The following OSBPL3 variants were observed in gnomAD, a reference collection of about 807,000 sequenced individuals.
The protein encoded by OSBPL3 is oxysterol binding protein like 3.
In OSBPL3, 65 loss-of-function variants were observed where a neutral mutation model predicts 120.1. The ratio of observed to expected loss-of-function variants is 0.54; its 90% CI spans 0.44 to 0.67. The LOEUF (loss-of-function observed/expected upper bound fraction) is 0.67, where lower values mean the gene tolerates loss of function less well. OSBPL3 is among the 30% of genes least tolerant of loss of function. The pLI, the probability that OSBPL3 is intolerant of heterozygous loss-of-function variation, is 0.00. For missense variants in OSBPL3, 1,004 were observed against 1,082.1 expected (o/e 0.93, Z 1.01); for synonymous variants, 416 against 402.6 (o/e 1.03, Z -0.40).
intron 2 of OSBPL3, among the ~76,000 whole-genome samples, chr7:24,880,850 T>C (rs1337325787): frequency 1.3e-5 from 2 of 152,144 alleles, no homozygotes; most frequent in African/African-American, 4.8e-5. Flanking sequence ...AGGTGAGATA[T>C]TTTTCCTTTT....
At chr7:24,825,345 T>C (rs914783744) in intron 16 of OSBPL3, among the ~76,000 whole-genome samples, 3 of 152,206 alleles carry the variant, frequency 2.0e-5, no homozygotes, top group Admixed American at 6.5e-5. Context: ...ATGTGAATGA[T>C]GAGAGAAAGA....
At chr7:24,974,266 C>G (rs182559012) in intron 1 of OSBPL3, among the ~76,000 whole-genome samples, 12 of 152,268 alleles carry the variant, frequency 7.9e-5, no homozygotes, top group Admixed American at 7.2e-4. Context: ...CCCTCCTCAC[C>G]CCCAGATTAT....
intron 10 of OSBPL3, among the ~76,000 whole-genome samples, chr7:24,853,579 C>T (rs926126378): frequency 2.0e-5 from 3 of 152,170 alleles, no homozygotes; most frequent in Admixed American, 1.3e-4. Flanking sequence ...TAACTGACAG[C>T]ATTTGAATAT....
Position 24,918,881 on chromosome 7 carries a change from T to C in OSBPL3, c.-149-26260A>G, listed in dbSNP as rs528408133. ...AGCTTCTGCATCCATGAGAAGGGGA[T>C]AGAAAAGGCAACAGACATAAATTTT... is the stretch of plus-strand genomic sequence containing the variant. On this transcript the variant is annotated intron_variant, in intron 1 of 22. Coordinates refer to ENST00000313367, the MANE Select transcript of OSBPL3 (RefSeq NM_015550.4). This position sits in a 1 kb window ranked among gnomAD's most constrained non-coding sequence, Gnocchi z 4.3. Among the ~76,000 whole-genome samples, 10 of 152,334 alleles carry C rather than the reference T, an allele frequency of 6.6e-5. No individual in the cohort carries two copies. Among genetic ancestry groups the C allele is most frequent in the East Asian group, 5.8e-4 (3 of 5,184 alleles).
chr7:24,886,287 A>C (rs1460719138), intron 2 of OSBPL3, among the ~76,000 whole-genome samples: 1 of 152,222 alleles, frequency 6.6e-6, no homozygotes, highest in Non-Finnish European at 1.5e-5. Flanking sequence ...AAAAAGCAAA[A>C]CCGGTGAGAA....
intron 1 of OSBPL3, among the ~76,000 whole-genome samples, chr7:24,969,388 T>G (rs1470736955): frequency 2.6e-5 from 4 of 152,220 alleles, no homozygotes; most frequent in African/African-American, 9.7e-5. Context: ...TAGGTCTTTG[T>G]GATATGCATT....
rs1802237884 is a variant in OSBPL3 at position 24,872,284 on chromosome 7, T to TC, written c.97-216dup. Among the ~76,000 whole-genome samples the TC allele has an allele frequency of 6.6e-6, 1 of 151,942 alleles. No individual in the cohort carries two copies. Among genetic ancestry groups the TC allele is most frequent in the East Asian group, 1.9e-4 (1 of 5,200 alleles). ...CATCAAATTTTGGTTTTTTTAAAGC[T>TC]CTTTTTTTTTTAGAAGGGAATGTTT... is the stretch of plus-strand genomic sequence containing the variant. On this transcript the variant is annotated intron_variant, in intron 2 of 22. Coordinates refer to ENST00000313367, the MANE Select transcript of OSBPL3 (RefSeq NM_015550.4). The surrounding 1 kb of genome is among the most constrained non-coding windows in gnomAD (Gnocchi z 4.1).
At position 24,894,322 on chromosome 7, in the gene OSBPL3, T is replaced by C. The variant is rs1014874543; in HGVS notation, c.-149-1701A>G. On this transcript the variant is annotated intron_variant, in intron 1 of 22. Coordinates refer to ENST00000313367, the MANE Select transcript of OSBPL3 (RefSeq NM_015550.4). This position sits in a 1 kb window ranked among gnomAD's most constrained non-coding sequence, Gnocchi z 4.1. The stretch of plus-strand genomic sequence containing the variant: ...TTTATTCATTTAGTATTGGATCCAA[T>C]AATAAGTAAGACTAAAAGCAAACCA... 1.3e-5 allele frequency among the ~76,000 whole-genome samples: 2 copies of C among 152,134 alleles called. No individual in the cohort carries two copies. Among genetic ancestry groups the C allele is most frequent in the African/African-American group, 4.8e-5 (2 of 41,424 alleles).
In OSBPL3 at chr7:24,813,931, T is replaced by C. The variant is rs1432797803; in HGVS notation, c.2172+1128A>G. Reference sequence around the variant, plus strand: ...TTTCCATTTATTCTCTGAATGTTTATGAGTCTCTCATGTGTGCCAGACACC... The same window carrying C: ...TTTCCATTTATTCTCTGAATGTTTACGAGTCTCTCATGTGTGCCAGACACC... On this transcript the variant is annotated intron_variant, in intron 19 of 22. Transcript: ENST00000313367. This position sits in a 1 kb window ranked among gnomAD's most constrained non-coding sequence, Gnocchi z 4.5. Among the ~76,000 whole-genome samples the C allele has an allele frequency of 1.3e-5, 2 of 152,240 alleles. No homozygotes were observed. Among genetic ancestry groups the C allele is most frequent in the African/African-American group, 4.8e-5 (2 of 41,464 alleles).
rs1006203610 is a variant in OSBPL3, at chr7:24,891,215, T to A, written c.96+1162A>T. Among the ~76,000 whole-genome samples, 6 of 150,518 alleles carry A rather than the reference T, an allele frequency of 4.0e-5. No individual in the cohort carries two copies. Among genetic ancestry groups the A allele is most frequent in the South Asian group, 2.1e-4 (1 of 4,802 alleles). On this transcript the variant is annotated intron_variant, in intron 2 of 22. Transcript: ENST00000313367. The surrounding 1 kb of genome is among the most constrained non-coding windows in gnomAD (Gnocchi z 4.1). ...TGACTAATTTTAGTCTTTTCTTATT[T>A]TTTTTTTTTTTAATTCCAGAAGGAA...
At chr7:24,906,301 G>C (rs1807901778) in intron 1 of OSBPL3, 1 of 247,446 alleles carries the variant, frequency 4.0e-6, no homozygotes. Flanking sequence ...ATCATGGGAT[G>C]GCCACTTATA....
chr7:24,897,515 C>T (rs1243355771), intron 1 of OSBPL3, among the ~76,000 whole-genome samples: 1 of 151,544 alleles, frequency 6.6e-6, no homozygotes, highest in Admixed American at 6.6e-5. Flanking sequence ...TTAGTAGAGA[C>T]GGGGTTTCAC....
At chr7:24,979,310 G>A (rs1400902131) in intron 1 of OSBPL3, among the ~76,000 whole-genome samples, 3 of 151,676 alleles carry the variant, frequency 2.0e-5, no homozygotes, top group East Asian at 1.9e-4. Context: ...AATTCCAGAA[G>A]GGGCCAGAAA....
intron 1 of OSBPL3, among the ~76,000 whole-genome samples, chr7:24,924,471 C>G (rs1459942343): frequency 1.3e-5 from 2 of 152,188 alleles, no homozygotes; most frequent in Non-Finnish European, 1.5e-5. Context: ...TGTGACTTTC[C>G]TATTGCTATG....
At chr7:24,838,622 C>A (rs1210723232) in intron 14 of OSBPL3, among the ~76,000 whole-genome samples, 1 of 152,206 alleles carries the variant, frequency 6.6e-6, no homozygotes, top group Non-Finnish European at 1.5e-5. Flanking sequence ...GACTTAGGTT[C>A]TGAACCATGT....
intron 2 of OSBPL3, among the ~76,000 whole-genome samples, chr7:24,888,060 T>C (rs936371780): frequency 1.3e-5 from 2 of 152,176 alleles, no homozygotes; most frequent in Non-Finnish European, 2.9e-5. Context: ...TTTAAAAGTA[T>C]ATATTCACAT....
rs909130254 is a variant in OSBPL3, at chr7:24,854,474, A to G, written c.1028-1840T>C. ...TGATGGACCTGAAACATCTTAACAA[A>G]GTCACAACAATTTGTACACACACAC... On this transcript the variant is annotated intron_variant, in intron 10 of 22. Transcript: ENST00000313367. The surrounding 1 kb of genome is among the most constrained non-coding windows in gnomAD (Gnocchi z 4.1). Among the ~76,000 whole-genome samples, 1 of 150,430 alleles carries G rather than the reference A, an allele frequency of 6.6e-6. No homozygotes were observed. The highest frequency in any genetic ancestry group is 2.5e-5 in the African/African-American group (1 of 40,618).
At position 24,892,457 on chromosome 7, in the gene OSBPL3, T is replaced by C. The variant is rs763542919; in HGVS notation, c.16A>G (p.Lys6Glu). Residue 6 changes from lysine (K) to glutamate (E), a missense_variant, in exon 2 of 23, where the codon AAG becomes GAG. Transcript: ENST00000313367. MMSDE[K>E]NLGVSQKLVS... is the part of the protein sequence containing the mutation. ...AATTTTTGGGACACACCAAGGTTCT[T>C]CTCATCACTCATCATGGACAGCAAG... 3.7e-6 allele frequency: 6 copies of C among 1,613,424 alleles called. No homozygotes were observed. The highest frequency in any genetic ancestry group is 5.1e-6 in the Non-Finnish European group (6 of 1,179,554).
intron 2 of OSBPL3, among the ~76,000 whole-genome samples, chr7:24,880,702 T>C (rs528437077): frequency 6.6e-6 from 1 of 152,222 alleles, no homozygotes; most frequent in South Asian, 2.1e-4. Context: ...AGTGATTTGT[T>C]TGGGGCTGCG....
Sources: allele counts gnomAD v4.1 joint callset (sites outside exome capture counted in the v4.1 genomes callset), GRCh38; gene constraint gnomAD v4.1.1; non-coding constraint Gnocchi (gnomAD v3.1); transcripts MANE v1.5; gene names NCBI Gene and HGNC (gene_info 2026-07-23, HGNC 2026-07-21).